Variants in DPEP3 observed in about 807,000 individuals in gnomAD.
DPEP3 encodes the protein membrane-bound dipeptidase 3.
In DPEP3, 42 loss-of-function variants were observed where a neutral mutation model predicts 47.5. That is an observed-to-expected ratio of 0.88 (90% CI 0.69 to 1.14). DPEP3 has a LOEUF of 1.14. Among genes scored for constraint, DPEP3 ranks in the 50% most tolerant of loss-of-function variants. The pLI, the probability that DPEP3 is intolerant of heterozygous loss-of-function variation, is 0.00. For synonymous variants in DPEP3, 276 were observed against 270.2 expected (o/e 1.02, Z -0.21); for missense variants, 560 against 635.0 (o/e 0.88, Z 1.27).
chr16:67,980,366 G>C lies in DPEP3; in HGVS notation c.15C>G (p.Gly5=), dbSNP rs1466126545. Residue 5 remains glycine (G), a synonymous_variant, in exon 1 of 10, where the codon GGC becomes GGG. Coordinates refer to ENST00000268793, the MANE Select transcript of DPEP3 (RefSeq NM_001370198.1). MQPT[G]REGSRALSRR... is the part of the protein sequence containing the mutation. The stretch of plus-strand genomic sequence containing the variant: ...GGCTGAGCGCGCGGGAACCCTCGCG[G>C]CCCGTGGGCTGCATGTTGCGCGGGG... 1 of 1,540,234 alleles carries C rather than the reference G, an allele frequency of 6.5e-7. No homozygotes were observed. The highest frequency in any genetic ancestry group is 2.0e-5 in the Admixed American group (1 of 49,464).
At chr16:67,977,404 G>T in intron 6 of DPEP3, 50 bp from the exon 7 acceptor site, 1 of 1,567,848 alleles carries the variant, frequency 6.4e-7, no homozygotes, top group Non-Finnish European at 8.7e-7. Flanking sequence ...CTGAGAACAT[G>T]CCTCCTGTGC....
chr16:67,975,896 C>A lies in DPEP3; in HGVS notation c.1336G>T (p.Ala446Ser). ...TGCTTGGTCACCTCCAGATGAGTAG[C>A]CTGGTGTCCATTCTGAGGCACGAGG... Reference protein sequence around the residue: ...SHLVPQNGHQATHLEVTKQPT... With the variant: ...SHLVPQNGHQSTHLEVTKQPT... The change falls in exon 10 of 10, where the codon GCT becomes TCT. Residue 446 changes from alanine to serine, a missense_variant. By Grantham distance (99) the Ala-to-Ser change is moderately conservative (BLOSUM62 1). Coordinates refer to ENST00000268793, the MANE Select transcript of DPEP3 (RefSeq NM_001370198.1). 1 of 1,613,876 alleles carries A rather than the reference C, an allele frequency of 6.2e-7. No individual in the cohort carries two copies. The highest frequency in any genetic ancestry group is 8.5e-7 in the Non-Finnish European group (1 of 1,179,854).
rs770412408 is a variant in DPEP3 at position 67,980,221 on chromosome 16, G to A, written c.160C>T (p.Leu54Phe). Residue 54 changes from leucine (L) to phenylalanine (F), a missense_variant, in exon 1 of 10, where the codon CTC becomes TTC. By Grantham distance (22) the Leu-to-Phe change is conservative. Transcript: ENST00000268793. ...RALSTLGSPSLFTTPGVPSAL... is the reference protein window; with the variant it reads ...RALSTLGSPSFFTTPGVPSAL... ...CTGGGGACACCCGGCGTGGTGAAGAGGCTGGGGGAGCCCAGCGTGGAGAGG... is the reference window on the plus strand; with the variant it reads ...CTGGGGACACCCGGCGTGGTGAAGAAGCTGGGGGAGCCCAGCGTGGAGAGG... 2 of 1,609,938 alleles carry A rather than the reference G, an allele frequency of 1.2e-6. No individual in the cohort carries two copies. Among genetic ancestry groups the A allele is most frequent in the East Asian group, 4.5e-5 (2 of 44,826 alleles).
Position 67,975,872 on chromosome 16 carries a change from G to C in DPEP3, c.1360C>G (p.Gln454Glu), listed in dbSNP as rs762621007. The C allele has an allele frequency of 5.0e-6, 8 of 1,613,826 alleles. No homozygotes were observed. In the African/African-American group the frequency reaches 9.3e-5, roughly 19 times the overall value. Residue 454 changes from glutamine to glutamate, a missense_variant, in exon 10 of 10, where the codon CAG (glutamine) becomes GAG (glutamate). By Grantham distance (29) the Gln-to-Glu change is conservative. Coordinates refer to ENST00000268793, the MANE Select transcript of DPEP3 (RefSeq NM_001370198.1). Reference sequence around the variant, plus strand: ...CTCCAGGGGACCCGATTGGTTGGCTGCTTGGTCACCTCCAGATGAGTAGCC... The same window carrying C: ...CTCCAGGGGACCCGATTGGTTGGCTCCTTGGTCACCTCCAGATGAGTAGCC... ...HQATHLEVTK[Q>E]PTNRVPWRSS... is the part of the protein sequence containing the mutation.
In DPEP3 at chr16:67,980,130, G is replaced by A. The variant is rs150317704; in HGVS notation, c.251C>T (p.Ala84Val). ...TPKTLDLRGR[A>V]QALMRSFPLV... Reference sequence around the variant, plus strand: ...TGGGAAACTCCGCATCAGGGCCTGCGCGCGACCCCGAAGGTCCAGGGTTTT... The same window carrying A: ...TGGGAAACTCCGCATCAGGGCCTGCACGCGACCCCGAAGGTCCAGGGTTTT... The change falls in exon 1 of 10, where the codon GCG (alanine) becomes GTG (valine). Residue 84 changes from alanine to valine, a missense_variant. Physicochemically the swap from Ala to Val is moderately conservative, Grantham distance 64. Coordinates refer to ENST00000268793, the MANE Select transcript of DPEP3 (RefSeq NM_001370198.1). 81 of 1,612,752 alleles carry A rather than the reference G, an allele frequency of 5.0e-5. No individual in the cohort carries two copies. The highest frequency in any genetic ancestry group is 6.6e-5 in the Non-Finnish European group (78 of 1,179,480).
chr16:67,980,257 C>A lies in DPEP3; in HGVS notation c.124G>T (p.Ala42Ser). The change falls in exon 1 of 10, where the codon GCC becomes TCC. Residue 42 changes from alanine to serine, a missense_variant. By Grantham distance (99) the Ala-to-Ser change is moderately conservative. Coordinates refer to ENST00000268793, the MANE Select transcript of DPEP3 (RefSeq NM_001370198.1). Reference sequence around the variant, plus strand: ...CCCAGCGTGGAGAGGGCTCTGGGGGCGCCCGGCGTGGTCTCCGCGCGGGTT... The same window carrying A: ...CCCAGCGTGGAGAGGGCTCTGGGGGAGCCCGGCGTGGTCTCCGCGCGGGTT... ...PVTRAETTPG[A>S]PRALSTLGSP... The A allele has an allele frequency of 6.2e-7, 1 of 1,601,548 alleles. No individual in the cohort carries two copies.
At chr16:67,976,272 T>G (rs746216537) in intron 8 of DPEP3, 44 bp from the exon 9 acceptor site, 2 of 1,609,504 alleles carry the variant, frequency 1.2e-6, no homozygotes, top group African/African-American at 1.3e-5. Context: ...TTAGCCCTGA[T>G]CCTGGGTTGG....
At position 67,978,065 on chromosome 16, in the gene DPEP3, T is replaced by TG; in HGVS notation, c.687-59dup. 1 of 1,598,774 alleles carries TG rather than the reference T, an allele frequency of 6.3e-7. No individual in the cohort carries two copies. Among genetic ancestry groups the TG allele is most frequent in the Non-Finnish European group, 8.6e-7 (1 of 1,166,576 alleles). ...GATCACACCTTGGGCCATCACAGCC[T>TG]GGGGGCCCTGGCTCTATCCATCCAT... On this transcript the variant is annotated intron_variant, in intron 4 of 9. Coordinates refer to ENST00000268793, the MANE Select transcript of DPEP3 (RefSeq NM_001370198.1). This position sits in a 1 kb window ranked among gnomAD's most constrained non-coding sequence, Gnocchi z 4.4.
In DPEP3 at chr16:67,977,675, G is replaced by C. The variant is rs1053233031; in HGVS notation, c.911C>G (p.Pro304Arg). Reference protein sequence around the residue: ...RAVCDNLLNVPDDILQLLKKN... With the variant: ...RAVCDNLLNVRDDILQLLKKN... ...CACCAGAAGCTGCAGGATATCATCGGGAACATTCAACAAATTGTCACACAC... is the reference window on the plus strand; with the variant it reads ...CACCAGAAGCTGCAGGATATCATCGCGAACATTCAACAAATTGTCACACAC... Residue 304 changes from proline to arginine, a missense_variant, in exon 6 of 10, where the codon CCC becomes CGC. Physicochemically the swap from Pro to Arg is moderately radical, Grantham distance 103. Coordinates refer to ENST00000268793, the MANE Select transcript of DPEP3 (RefSeq NM_001370198.1). 3 of 1,611,898 alleles carry C rather than the reference G, an allele frequency of 1.9e-6. No homozygotes were observed. The highest frequency in any genetic ancestry group is 2.5e-6 in the Non-Finnish European group (3 of 1,179,068).
intron 2 of DPEP3, 104 bp downstream of exon 2, chr16:67,979,535 T>G: frequency 6.6e-7 from 1 of 1,524,146 alleles, no homozygotes; most frequent in Non-Finnish European, 8.9e-7. Flanking sequence ...GCACACTGCA[T>G]GCCCCATTGT....
At chr16:67,977,493 C>A in intron 6 of DPEP3, 139 bp from the exon 7 acceptor site, 2 of 1,258,536 alleles carry the variant, frequency 1.6e-6, no homozygotes, top group Non-Finnish European at 2.2e-6. Context: ...GTTTGTGGGT[C>A]CCTGAGTGGA....
At chr16:67,979,816 A>G in intron 1 of DPEP3, 51 bp from the exon 2 acceptor site, 2 of 1,606,806 alleles carry the variant, frequency 1.2e-6, no homozygotes, top group Non-Finnish European at 8.5e-7. Context: ...CAGTCAGGAT[A>G]TATCAGGTGC....
At chr16:67,977,383 G>T in intron 6 of DPEP3, 29 bp from the exon 7 acceptor site, 1 of 1,604,132 alleles carries the variant, frequency 6.2e-7, no homozygotes, top group Non-Finnish European at 8.5e-7. Flanking sequence ...ACTCATCTCA[G>T]CCCTTCTGGC....
Position 67,980,292 on chromosome 16 carries a change from CGCA to C in DPEP3, c.86_88del (p.Leu29del), listed in dbSNP as rs756554852. The C allele has an allele frequency of 4.2e-5, 66 of 1,572,572 alleles. No individual in the cohort carries two copies. Among genetic ancestry groups the C allele is most frequent in the Admixed American group, 1.5e-4 (8 of 52,464 alleles). ...GGTCTCCGCGCGGGTTACGGGCTGC[CGCA>C]GCAGCAGCAGCAGTAGCAGGAGCAG... On this transcript the variant is annotated inframe_deletion, in exon 1 of 10. Transcript: ENST00000268793.
In DPEP3 at chr16:67,976,215, G is replaced by T; in HGVS notation, c.1108C>A (p.Leu370Met). 1 of 1,614,164 alleles carries T rather than the reference G, an allele frequency of 6.2e-7. No individual in the cohort carries two copies. Among genetic ancestry groups the T allele is most frequent in the Non-Finnish European group, 8.5e-7 (1 of 1,180,018 alleles). ...ACTGGGTATGTGGACACATCCTCCA[G>T]CCCCTGAGGGAACCTGTGTGGCCAC... is the stretch of plus-strand genomic sequence containing the variant. Reference protein sequence around the residue: ...YDGTGRFPQGLEDVSTYPVLI... With the variant: ...YDGTGRFPQGMEDVSTYPVLI... The change falls in exon 9 of 10, where the codon CTG becomes ATG. Residue 370 changes from leucine (L) to methionine (M), a missense_variant. Leu to Met is a conservative substitution (Grantham distance 15, BLOSUM62 2). Transcript: ENST00000268793.
chr16:67,980,193 G>A lies in DPEP3; in HGVS notation c.188C>T (p.Ala63Val). ...SLFTTPGVPS[A>V]LTTPGLTTPG... ...CGTAGTGAGGCCTGGGGTAGTGAGG[G>A]CGCTGGGGACACCCGGCGTGGTGAA... The change falls in exon 1 of 10, where the codon GCC (alanine) becomes GTC (valine). Residue 63 changes from alanine to valine, a missense_variant. Ala to Val is a moderately conservative substitution (Grantham distance 64). Transcript: ENST00000268793. 1 of 1,611,032 alleles carries A rather than the reference G, an allele frequency of 6.2e-7. No homozygotes were observed. Among genetic ancestry groups the A allele is most frequent in the Non-Finnish European group, 8.5e-7 (1 of 1,178,606 alleles).
In DPEP3 at chr16:67,980,097, T is replaced by G. The variant is rs1322061464; in HGVS notation, c.284A>C (p.Asp95Ala). ...CCCAAACGCTGCACCTACATACCCG[T>G]CCACGAGTGGGAAACTCCGCATCAG... ...QALMRSFPLV[D>A]GHNDLPQVLR... The change falls in exon 1 of 10, where the codon GAC becomes GCC. Residue 95 changes from aspartate to alanine, a missense_variant. By Grantham distance (126) the Asp-to-Ala change is moderately radical. Transcript: ENST00000268793. 45 of 1,610,106 alleles carry G rather than the reference T, an allele frequency of 2.8e-5. No homozygotes were observed. The highest frequency in any genetic ancestry group is 3.3e-5 in the Non-Finnish European group (39 of 1,178,326).
In DPEP3 at chr16:67,978,878, A is replaced by AC. The variant is rs939930691; in HGVS notation, c.415-253dup. Among the ~76,000 whole-genome samples, 2 of 151,256 alleles carry AC rather than the reference A, an allele frequency of 1.3e-5. No homozygotes were observed. Among genetic ancestry groups the AC allele is most frequent in the African/African-American group, 4.9e-5 (2 of 41,120 alleles). The stretch of plus-strand genomic sequence containing the variant: ...GTGATCATGGCTCACTGCAGCCTTG[A>AC]CCCCCCAGGCTCAAACAATCCTCCT... On this transcript the variant is annotated intron_variant, in intron 2 of 9. Coordinates refer to ENST00000268793, the MANE Select transcript of DPEP3 (RefSeq NM_001370198.1). This position sits in a 1 kb window ranked among gnomAD's most constrained non-coding sequence, Gnocchi z 4.4.
chr16:67,976,754 G>A lies in DPEP3; in HGVS notation c.1040C>T (p.Ala347Val), dbSNP rs1485553541. ...TVADHFDHIR[A>V]VIGSEFIGIG... ...CCCGATGAACTCAGATCCAATGACT[G>A]CCCTGATGTGGTCAAAGTGATCTAG... is the stretch of plus-strand genomic sequence containing the variant. Residue 347 changes from alanine to valine, a missense_variant, in exon 8 of 10, where the codon GCA (alanine) becomes GTA (valine). Physicochemically the swap from Ala to Val is moderately conservative, Grantham distance 64 (BLOSUM62 0). Coordinates refer to ENST00000268793, the MANE Select transcript of DPEP3 (RefSeq NM_001370198.1). 2 of 1,614,086 alleles carry A rather than the reference G, an allele frequency of 1.2e-6. No individual in the cohort carries two copies. The highest frequency in any genetic ancestry group is 3.3e-5 in the Admixed American group (2 of 60,002).
Sources: gnomAD v4.1 joint callset for allele counts (sites outside exome capture counted in the v4.1 genomes callset) on GRCh38, gnomAD v4.1.1 for gene constraint, Gnocchi (gnomAD v3.1) non-coding constraint, MANE v1.5 for transcripts, NCBI Gene and HGNC (gene_info 2026-07-23, HGNC 2026-07-21) for gene names.